The following AGBL4 variants were observed in gnomAD, a reference collection of about 807,000 sequenced individuals.
AGBL4 encodes the protein AGBL carboxypeptidase 4, also known as cytosolic carboxypeptidase 6.
AGBL4 carries 58 observed loss-of-function variants against 66.4 expected under a neutral mutation model. That is an observed-to-expected ratio of 0.87 (90% CI 0.71 to 1.09). The LOEUF (loss-of-function observed/expected upper bound fraction) is 1.09, where lower values mean the gene tolerates loss of function less well. Ranked by LOEUF, AGBL4 falls within the 50% of genes least tolerant of loss-of-function variation. AGBL4 has a pLI of 0.00. For synonymous variants in AGBL4, 234 were observed against 222.9 expected, an observed-to-expected ratio of 1.05 and a Z score of -0.44; for missense variants, 579 against 631.0, an observed-to-expected ratio of 0.92 and a Z score of 0.88.
At chr1:49,025,360 G>C (rs1190543946) in intron 5 of AGBL4, among the ~76,000 whole-genome samples, 1 of 152,052 alleles carries the variant, frequency 6.6e-6, no homozygotes, top group African/African-American at 2.4e-5. Context: ...AGAGAGAGAG[G>C]CCTTTAAACA....
chr1:48,575,743 G>A (rs895439159), intron 11 of AGBL4, among the ~76,000 whole-genome samples: 5 of 152,160 alleles, frequency 3.3e-5, no homozygotes, highest in African/African-American at 1.2e-4. Context: ...TCCCCTCAAG[G>A]TTAGGTTAGA....
chr1:49,683,960 A>G (rs1300891411), intron 3 of AGBL4, among the ~76,000 whole-genome samples: 1 of 152,180 alleles, frequency 6.6e-6, no homozygotes, highest in African/African-American at 2.4e-5. Context: ...AGTAATCAGC[A>G]TTTAGTTTAT....
In AGBL4 at chr1:49,510,986, G is replaced by T. The variant is rs1032596385; in HGVS notation, c.282+186327C>A. ...GTACCATGCTGTTTTGGTTACTGTA[G>T]CCTTGTAGTATAGTTTGAAGTCAGG... On this transcript the variant is annotated intron_variant, in intron 3 of 13. Coordinates refer to ENST00000371839, the MANE Select transcript of AGBL4 (RefSeq NM_032785.4). 1.1e-4 allele frequency among the ~76,000 whole-genome samples: 17 copies of T among 151,764 alleles called. 1 individual carries two copies. The highest frequency in any genetic ancestry group is 4.2e-4 in the South Asian group (2 of 4,780).
chr1:49,164,449 GC>G (rs1335336899), intron 4 of AGBL4, among the ~76,000 whole-genome samples: 1 of 152,218 alleles, frequency 6.6e-6, no homozygotes, highest in African/African-American at 2.4e-5. Context: ...ATTTTACAGA[GC>G]TTTTTTAGCC....
At chr1:48,811,398 A>T (rs1295966015) in intron 6 of AGBL4, among the ~76,000 whole-genome samples, 1 of 152,144 alleles carries the variant, frequency 6.6e-6, no homozygotes, top group Non-Finnish European at 1.5e-5. Flanking sequence ...CTGAATCCCA[A>T]TTTTGTGCCT....
intron 5 of AGBL4, among the ~76,000 whole-genome samples, chr1:48,929,809 ATTTC>A (rs1186539921): frequency 6.6e-6 from 1 of 152,202 alleles, no homozygotes; most frequent in African/African-American, 2.4e-5. Context: ...ATCGGGACTC[ATTTC>A]TTTCTTTCTT....
At chr1:49,561,914 A>C (rs566383912) in intron 3 of AGBL4, among the ~76,000 whole-genome samples, 1 of 152,080 alleles carries the variant, frequency 6.6e-6, no homozygotes, top group Non-Finnish European at 1.5e-5. Flanking sequence ...ACTAGTTTAC[A>C]GTCCCACCAA....
chr1:48,778,151 C>CCATT, intron 6 of AGBL4, among the ~76,000 whole-genome samples: 1 of 151,840 alleles, frequency 6.6e-6, no homozygotes, highest in East Asian at 1.9e-4. Flanking sequence ...ATCCATCCAT[C>CCATT]CATCCATCCA....
intron 3 of AGBL4, among the ~76,000 whole-genome samples, chr1:49,395,781 G>GTA (rs1412301245): frequency 8.8e-4 from 114 of 129,676 alleles, no homozygotes; most frequent in African/African-American, 3.0e-3. Flanking sequence ...ATATACATGT[G>GTA]TATATATGTA....
At chr1:49,142,661 T>C (rs187052964) in intron 4 of AGBL4, among the ~76,000 whole-genome samples, 20 of 152,244 alleles carry the variant, frequency 1.3e-4, no homozygotes, top group Non-Finnish European at 1.8e-4. Flanking sequence ...CATTTAGTAT[T>C]AAATAATATC....
intron 5 of AGBL4, among the ~76,000 whole-genome samples, chr1:49,039,693 C>T (rs948294886): frequency 5.9e-5 from 9 of 152,006 alleles, no homozygotes; most frequent in African/African-American, 9.7e-5. Flanking sequence ...AACTAACTCA[C>T]AATGAACTAT....
At chr1:49,314,781 T>G (rs889683648) in intron 3 of AGBL4, among the ~76,000 whole-genome samples, 7 of 152,098 alleles carry the variant, frequency 4.6e-5, no homozygotes, top group African/African-American at 1.7e-4. Context: ...GTATTTCTGG[T>G]TCTAGATCCT....
At chr1:48,579,892 T>C (rs1415426406) in intron 11 of AGBL4, among the ~76,000 whole-genome samples, 2 of 125,980 alleles carry the variant, frequency 1.6e-5, no homozygotes, top group African/African-American at 6.3e-5. Context: ...CACTCCAGCC[T>C]GGGCGAAAGT....
chr1:48,948,771 T>G (rs1409685100), intron 5 of AGBL4, among the ~76,000 whole-genome samples: 1 of 152,108 alleles, frequency 6.6e-6, no homozygotes, highest in South Asian at 2.1e-4. Context: ...ACACTTAGTA[T>G]GTACAAAACA....
chr1:49,507,330 G>C (rs758146805), intron 3 of AGBL4, among the ~76,000 whole-genome samples: 1 of 151,942 alleles, frequency 6.6e-6, no homozygotes, highest in South Asian at 2.1e-4. Flanking sequence ...ACAAGAGAGA[G>C]CCAAATTGGG....
intron 2 of AGBL4, among the ~76,000 whole-genome samples, chr1:49,780,000 G>A (rs1338795528): frequency 6.6e-6 from 1 of 152,078 alleles, no homozygotes; most frequent in East Asian, 1.9e-4. Flanking sequence ...CTTATCATCA[G>A]AAACAATGGA....
chr1:49,204,423 A>G (rs1647968265), intron 4 of AGBL4, among the ~76,000 whole-genome samples: 1 of 151,732 alleles, frequency 6.6e-6, no homozygotes, highest in Non-Finnish European at 1.5e-5. Flanking sequence ...CACATGCAGC[A>G]CTACACCTGG....
intron 6 of AGBL4, among the ~76,000 whole-genome samples, chr1:48,693,205 G>T (rs57623557): frequency 0.023 from 3,434 of 152,262 alleles, 135 homozygotes; most frequent in African/African-American, 0.077. Context: ...CCCGGACCCT[G>T]GGCAGGGCTG....
At chr1:49,027,002 T>C (rs1663751433) in intron 5 of AGBL4, among the ~76,000 whole-genome samples, 1 of 152,136 alleles carries the variant, frequency 6.6e-6, no homozygotes, top group Non-Finnish European at 1.5e-5. Context: ...TGTGTTTTCT[T>C]GTATTTGTAA....
Sources: gnomAD v4.1 joint callset for allele counts (sites outside exome capture counted in the v4.1 genomes callset) on GRCh38, gnomAD v4.1.1 for gene constraint, MANE v1.5 for transcripts, NCBI Gene and HGNC (gene_info 2026-07-23, HGNC 2026-07-21) for gene names.